The following LAMA2 variants were observed in gnomAD, a reference collection of about 807,000 sequenced individuals.
LAMA2 encodes the protein laminin subunit alpha-2.
In LAMA2, 269 loss-of-function variants were observed where a neutral mutation model predicts 364.8. That is an observed-to-expected ratio of 0.74 (90% CI 0.67 to 0.82). The LOEUF (loss-of-function observed/expected upper bound fraction) is 0.82. LAMA2 is among the 40% of genes least tolerant of loss of function. LAMA2 has a pLI of 0.00. For missense variants in LAMA2, 3,807 were observed against 3,873.2 expected (o/e 0.98, Z 0.45); for synonymous variants, 1,379 against 1,370.6 (o/e 1.01, Z -0.14).
In LAMA2 at chr6:128,990,308, A is replaced by G. The variant is rs575474836; in HGVS notation, c.113-59610A>G. On this transcript the variant is annotated intron_variant, in intron 1 of 64. Coordinates refer to ENST00000421865, the MANE Select transcript of LAMA2 (RefSeq NM_000426.4). ...CAATTATTTTAATTATTGATTATTT[A>G]TGGTTTAATGGGGAACCATTGTATT... is the stretch of plus-strand genomic sequence containing the variant. Among the ~76,000 whole-genome samples the G allele has an allele frequency of 5.4e-5, 8 of 148,106 alleles. No homozygotes were observed. In the East Asian group the frequency reaches 1.5e-3, roughly 29 times the overall value.
intron 2 of LAMA2, among the ~76,000 whole-genome samples, chr6:129,056,636 T>G (rs1788508870): frequency 6.6e-6 from 1 of 152,206 alleles, no homozygotes; most frequent in Non-Finnish European, 1.5e-5. Flanking sequence ...TCTTCATGTT[T>G]TCAGTAAATG....
chr6:129,440,673 C>T, intron 42 of LAMA2, 143 bp from the exon 43 acceptor site: 2 of 754,140 alleles, frequency 2.7e-6, no homozygotes, highest in Middle Eastern at 3.4e-4. Flanking sequence ...TCATTTGCTA[C>T]ACCTGAATGA....
rs966215074 is a variant in LAMA2, at chr6:129,314,549, T to C, written c.3412-106T>C. 13 of 992,522 alleles carry C rather than the reference T, an allele frequency of 1.3e-5. No homozygotes were observed. In the African/African-American group the frequency reaches 1.8e-4, roughly 13 times the overall value. 61.5% of individuals were successfully genotyped at this position (992,522 alleles called of 1,614,324 possible). ...TCTAATACTCAGTGTTCTTCTGTTT[T>C]GTTTTAAATTTTTTAAAAAGAGTAT... On this transcript the variant is annotated intron_variant, in intron 23 of 64. Coordinates refer to ENST00000421865, the MANE Select transcript of LAMA2 (RefSeq NM_000426.4).
chr6:129,460,632 G>A (rs149583553), intron 49 of LAMA2, among the ~76,000 whole-genome samples: 27 of 152,048 alleles, frequency 1.8e-4, no homozygotes, highest in Admixed American at 4.6e-4. Flanking sequence ...CTTTCATGTC[G>A]AGGGGTTTTT....
intron 4 of LAMA2, among the ~76,000 whole-genome samples, chr6:129,141,578 C>G (rs13206942): frequency 0.27 from 41,397 of 151,936 alleles, 6,949 homozygotes; most frequent in Non-Finnish European, 0.37. Flanking sequence ...TGCTGTATTT[C>G]TCTGGTGACT....
chr6:129,360,144 A>G (rs1000057073), intron 32 of LAMA2, among the ~76,000 whole-genome samples: 28 of 152,188 alleles, frequency 1.8e-4, no homozygotes, highest in African/African-American at 6.5e-4. Flanking sequence ...CTGAATTTGG[A>G]GAATGGTTTG....
At chr6:129,096,351 C>T (rs895837358) in intron 3 of LAMA2, among the ~76,000 whole-genome samples, 10 of 152,028 alleles carry the variant, frequency 6.6e-5, no homozygotes, top group African/African-American at 2.4e-4. Context: ...CATTTATGTT[C>T]ATACAAAAAA....
intron 4 of LAMA2, among the ~76,000 whole-genome samples, chr6:129,107,920 T>A (rs1220668219): frequency 6.6e-6 from 1 of 152,148 alleles, no homozygotes; most frequent in African/African-American, 2.4e-5. Flanking sequence ...GAGTCCCCCC[T>A]CCTAGCAGTT....
chr6:129,214,445 A>C (rs1783297184), intron 12 of LAMA2, among the ~76,000 whole-genome samples: 1 of 152,188 alleles, frequency 6.6e-6, no homozygotes, highest in Non-Finnish European at 1.5e-5. Context: ...TTAGGAACCA[A>C]ACCTCACTAT....
At chr6:129,136,712 A>G (rs1270320979) in intron 4 of LAMA2, among the ~76,000 whole-genome samples, 1 of 152,222 alleles carries the variant, frequency 6.6e-6, no homozygotes, top group Non-Finnish European at 1.5e-5. Flanking sequence ...TGACTGAAGA[A>G]TATGTTTAAA....
chr6:129,263,665 T>C (rs1372103624), intron 15 of LAMA2, among the ~76,000 whole-genome samples: 1 of 152,184 alleles, frequency 6.6e-6, no homozygotes, highest in Non-Finnish European at 1.5e-5. Context: ...TTTATTCTCA[T>C]GGCATGGAAC....
intron 34 of LAMA2, among the ~76,000 whole-genome samples, chr6:129,372,080 C>A (rs550699945): frequency 1.3e-5 from 2 of 152,246 alleles, no homozygotes; most frequent in East Asian, 3.9e-4. Flanking sequence ...CATATCTACT[C>A]CCTGCCCCCA....
rs1255720828 is a variant in LAMA2, at chr6:129,514,414, T to C, written c.9030T>C (p.Ala3010=). The C allele has an allele frequency of 1.2e-6, 2 of 1,614,064 alleles. No homozygotes were observed. Among genetic ancestry groups the C allele is most frequent in the South Asian group, 1.1e-5 (1 of 91,082 alleles). ...ACAATGGTGCGGGCAGATTCACTGC[T>C]GTCTATGATGCTGGGGTTCCAGGGC... ...HVDNGAGRFT[A]VYDAGVPGHL... The change falls in exon 64 of 65, where the codon GCT becomes GCC. Residue 3010 remains alanine, a synonymous_variant. Transcript: ENST00000421865.
At chr6:129,035,044 T>A (rs1429071835) in intron 1 of LAMA2, among the ~76,000 whole-genome samples, 2 of 152,170 alleles carry the variant, frequency 1.3e-5, no homozygotes, top group African/African-American at 4.8e-5. Context: ...TTTTTTGTTC[T>A]TTAAGAACTC....
chr6:128,984,728 T>C (rs1000034334), intron 1 of LAMA2, among the ~76,000 whole-genome samples: 3 of 152,064 alleles, frequency 2.0e-5, no homozygotes, highest in African/African-American at 4.8e-5. Context: ...CTTTATAGTT[T>C]AAAATTGATA....
rs202200494 is a variant in LAMA2, at chr6:129,512,390, T to G, written c.8885T>G (p.Leu2962Arg). The G allele has an allele frequency of 2.5e-6, 4 of 1,613,782 alleles. No homozygotes were observed. The highest frequency in any genetic ancestry group is 2.2e-5 in the East Asian group (1 of 44,858). ...GGTGGATTCAAAGTGGGATTGGACC[T>G]TCTTGTAGAATTTGAATTCCGCACA... is the stretch of plus-strand genomic sequence containing the variant. The part of the protein sequence containing the change: ...AVGGFKVGLD[L>R]LVEFEFRTTT... The change falls in exon 63 of 65, where the codon CTT becomes CGT. Residue 2962 changes from leucine to arginine, a missense_variant. Around this residue, in one of 3 missense-constraint regions of LAMA2, gnomAD observed 3,333 missense variants for 3,345.7 expected, o/e 1.00. Transcript: ENST00000421865.
At chr6:129,409,146 C>T (rs1268389053) in intron 40 of LAMA2, among the ~76,000 whole-genome samples, 1 of 152,192 alleles carries the variant, frequency 6.6e-6, no homozygotes, top group Non-Finnish European at 1.5e-5. Context: ...GCTCAAAATT[C>T]TGCCCCCTGG....
chr6:128,984,439 G>T (rs889421932), intron 1 of LAMA2, among the ~76,000 whole-genome samples: 2 of 152,074 alleles, frequency 1.3e-5, no homozygotes, highest in Non-Finnish European at 2.9e-5. Context: ...TCAGAGACAA[G>T]TATCCACATG....
chr6:129,150,592 A>C (rs1302321701), intron 7 of LAMA2, among the ~76,000 whole-genome samples: 1 of 152,232 alleles, frequency 6.6e-6, no homozygotes, highest in African/African-American at 2.4e-5. Flanking sequence ...AGGTAGACTA[A>C]GCAAGGCAAG....
Sources: gnomAD v4.1 joint callset for allele counts (sites outside exome capture counted in the v4.1 genomes callset) on GRCh38, gnomAD v4.1.1 for gene constraint, gnomAD v4.1.1 regional missense constraint, MANE v1.5 for transcripts, NCBI Gene and HGNC (gene_info 2026-07-23, HGNC 2026-07-21) for gene names.